Variants in CPA6 observed in about 807,000 individuals in gnomAD.
CPA6 encodes the protein carboxypeptidase B.
CPA6 carries 58 observed loss-of-function variants against 63.3 expected under a neutral mutation model. The observed-to-expected ratio is 0.92, with a 90% CI of 0.74 to 1.14. CPA6 has a LOEUF of 1.14. CPA6 is among the 50% of genes most tolerant of loss of function. The probability of loss-of-function intolerance (pLI) is 0.00; values close to 1 mark genes in which losing one functional copy is unlikely to be tolerated. For missense variants in CPA6, 565 were observed against 526.6 expected, an observed-to-expected ratio of 1.07 and a Z score of -0.71; for synonymous variants, 185 against 179.0, an observed-to-expected ratio of 1.03 and a Z score of -0.27.
At chr8:67,649,609 C>G (rs1763805164) in intron 1 of CPA6, among the ~76,000 whole-genome samples, 1 of 152,094 alleles carries the variant, frequency 6.6e-6, no homozygotes, top group African/African-American at 2.4e-5. Flanking sequence ...TGTATATACA[C>G]AAGAGCATTG....
chr8:67,700,584 T>C (rs1817003969), intron 1 of CPA6, among the ~76,000 whole-genome samples: 1 of 152,232 alleles, frequency 6.6e-6, no homozygotes, highest in Non-Finnish European at 1.5e-5. Context: ...AACAAATGTA[T>C]AAAGTTGGAG....
At chr8:67,681,170 C>G (rs1011731328) in intron 1 of CPA6, among the ~76,000 whole-genome samples, 8 of 135,182 alleles carry the variant, frequency 5.9e-5, no homozygotes, top group Admixed American at 4.3e-4. Context: ...TGTAAGAAAT[C>G]TTTGCTCAAC....
intron 1 of CPA6, among the ~76,000 whole-genome samples, chr8:67,734,171 C>A (rs972456868): frequency 2.6e-5 from 4 of 151,898 alleles, no homozygotes; most frequent in African/African-American, 9.7e-5. Context: ...AGCCACCAGC[C>A]TCCCTCTTAT....
At chr8:67,601,293 C>G (rs990689071) in intron 2 of CPA6, among the ~76,000 whole-genome samples, 1 of 152,136 alleles carries the variant, frequency 6.6e-6, no homozygotes, top group Non-Finnish European at 1.5e-5. Flanking sequence ...AAATGCTTAA[C>G]CCTGCTATAG....
intron 2 of CPA6, among the ~76,000 whole-genome samples, chr8:67,623,945 C>A (rs985018295): frequency 6.6e-6 from 1 of 151,744 alleles, no homozygotes; most frequent in Non-Finnish European, 1.5e-5. Context: ...TGCAGTGAGC[C>A]GAGATCGCAC....
chr8:67,688,688 T>G (rs923749985), intron 1 of CPA6, among the ~76,000 whole-genome samples: 1 of 152,210 alleles, frequency 6.6e-6, no homozygotes, highest in African/African-American at 2.4e-5. Flanking sequence ...CATTGTACAC[T>G]TCTCTCCTAG....
At chr8:67,426,888 C>A (rs1415656277) in intron 10 of CPA6, among the ~76,000 whole-genome samples, 1 of 152,130 alleles carries the variant, frequency 6.6e-6, no homozygotes, top group Non-Finnish European at 1.5e-5. Flanking sequence ...GAAACTGAGG[C>A]CCAGGATTAA....
intron 8 of CPA6, among the ~76,000 whole-genome samples, chr8:67,439,463 C>G (rs117486597): frequency 2.0e-5 from 3 of 151,858 alleles, no homozygotes; most frequent in Non-Finnish European, 4.4e-5. Flanking sequence ...GTGGTGCATG[C>G]GTTTAATCCC....
At chr8:67,604,503 C>G (rs1463144249) in intron 2 of CPA6, among the ~76,000 whole-genome samples, 1 of 152,200 alleles carries the variant, frequency 6.6e-6, no homozygotes, top group East Asian at 1.9e-4. Flanking sequence ...TTACGTTTCC[C>G]TACAACCATG....
At chr8:67,738,877 A>C (rs919825232) in intron 1 of CPA6, among the ~76,000 whole-genome samples, 1 of 152,208 alleles carries the variant, frequency 6.6e-6, no homozygotes, top group Non-Finnish European at 1.5e-5. Context: ...ATCATAATGA[A>C]AACTCTAAAA....
intron 1 of CPA6, among the ~76,000 whole-genome samples, chr8:67,661,014 A>G (rs925679865): frequency 9.2e-5 from 14 of 152,192 alleles, no homozygotes; most frequent in Non-Finnish European, 1.3e-4. Context: ...AAAGCAAAGT[A>G]CTAGTTCATC....
chr8:67,509,669 CT>C, intron 4 of CPA6, 51 bp from the exon 5 acceptor site: 1 of 888,754 alleles, frequency 1.1e-6, no homozygotes, highest in Non-Finnish European at 1.8e-6. Flanking sequence ...AATAATGGAG[CT>C]TTTAGAGAAC....
At chr8:67,725,611 C>G (rs150841283) in intron 1 of CPA6, among the ~76,000 whole-genome samples, 28 of 152,256 alleles carry the variant, frequency 1.8e-4, no homozygotes, top group Non-Finnish European at 3.2e-4. Flanking sequence ...ACCTTGAACT[C>G]GTGGGTTCAA....
intron 2 of CPA6, among the ~76,000 whole-genome samples, chr8:67,611,873 C>A (rs1334599848): frequency 6.6e-6 from 1 of 152,198 alleles, no homozygotes; most frequent in Non-Finnish European, 1.5e-5. Context: ...AGGCCTAAAT[C>A]TCACCCTTCT....
intron 1 of CPA6, among the ~76,000 whole-genome samples, chr8:67,637,999 G>T (rs1394878808): frequency 6.6e-6 from 1 of 151,196 alleles, no homozygotes; most frequent in African/African-American, 2.5e-5. Context: ...GTGTGTGTGT[G>T]TGTGTGTGCA....
chr8:67,695,126 T>TATTCATTAGATGCCATCATCC (rs1382422165), intron 1 of CPA6, among the ~76,000 whole-genome samples: 2 of 152,168 alleles, frequency 1.3e-5, no homozygotes, highest in Non-Finnish European at 2.9e-5. Flanking sequence ...TCCACTTGAT[T>TATTCATTAGATGCCATCATCC]ATTCATTAGA....
In CPA6 at chr8:67,563,815, TTTTACTGATTTCTACCACATTC is replaced by T. The variant is rs1290240223; in HGVS notation, c.193-45790_193-45769del. Among the ~76,000 whole-genome samples the T allele has an allele frequency of 3.3e-5, 5 of 152,332 alleles. No homozygotes were observed. In the East Asian group the frequency reaches 9.6e-4, roughly 29 times the overall value. On this transcript the variant is annotated intron_variant, in intron 2 of 10. Transcript: ENST00000297770. ...CCTTCAAGGCTGTCCTTGATACTAA[TTTTACTGATTTCTACCACATTC>T]TATGAGTCACAGTTAGAATTATTTA...
intron 8 of CPA6, among the ~76,000 whole-genome samples, chr8:67,461,557 G>C (rs1368619879): frequency 6.6e-6 from 1 of 152,196 alleles, no homozygotes; most frequent in African/African-American, 2.4e-5. Flanking sequence ...ATCCCGGCCC[G>C]TTCTCAATGA....
intron 1 of CPA6, among the ~76,000 whole-genome samples, chr8:67,660,548 A>T (rs1201567008): frequency 1.7e-5 from 2 of 117,660 alleles, no homozygotes; most frequent in African/African-American, 6.9e-5. Flanking sequence ...CGTGTTGCCC[A>T]GGCTGGTCTT....
Sources: gnomAD v4.1 joint callset for allele counts (sites outside exome capture counted in the v4.1 genomes callset) on GRCh38, gnomAD v4.1.1 for gene constraint, MANE v1.5 for transcripts, NCBI Gene and HGNC (gene_info 2026-07-23, HGNC 2026-07-21) for gene names.